MAPK9: variants seen among roughly 807,000 people sequenced by gnomAD.
MAPK9 encodes the protein mitogen-activated protein kinase 9, also known as Jun kinase.
A neutral mutation model predicts 57.1 loss-of-function variants in MAPK9; 30 were observed. The ratio of observed to expected loss-of-function variants is 0.53; its 90% CI spans 0.39 to 0.71. The LOEUF is 0.71. Ranked by LOEUF, MAPK9 falls within the 30% of genes least tolerant of loss-of-function variation. The probability of loss-of-function intolerance (pLI) is 0.00; values close to 1 mark genes in which losing one functional copy is unlikely to be tolerated. For missense variants in MAPK9, 362 were observed against 521.0 expected, an observed-to-expected ratio of 0.69 and a Z score of 2.97; for synonymous variants, 155 against 177.0, an observed-to-expected ratio of 0.88 and a Z score of 0.99.
intron 7 of MAPK9, 114 bp from the exon 8 acceptor site, chr5:180,242,869 C>T: frequency 1.4e-6 from 1 of 721,562 alleles, no homozygotes; most frequent in Non-Finnish European, 2.2e-6. Flanking sequence ...ACTGGATCAG[C>T]AGCGGAATTT....
chr5:180,280,036 C>T (rs555474810), intron 2 of MAPK9: 19 of 457,602 alleles, frequency 4.2e-5, no homozygotes, highest in South Asian at 2.9e-4. Context: ...AATGATGGCG[C>T]CTGGAAATGA....
chr5:180,278,821 C>T (rs1762058753), intron 2 of MAPK9, among the ~76,000 whole-genome samples: 1 of 152,082 alleles, frequency 6.6e-6, no homozygotes, highest in South Asian at 2.1e-4. Flanking sequence ...CGCATGCACA[C>T]ATCAAATTAT....
Position 180,248,339 on chromosome 5 carries a change from C to T in MAPK9, c.616+634G>A, listed in dbSNP as rs539430995. ...CTCAGGGTGGGAACACAAGCTACAA[C>T]GCAGCAAGATGAACCTGTAGCAAAA... On this transcript the variant is annotated intron_variant, in intron 6 of 11. Transcript: ENST00000452135. Among the ~76,000 whole-genome samples, 80 of 152,342 alleles carry T rather than the reference C, an allele frequency of 5.3e-4. 1 individual carries two copies. The highest frequency in any genetic ancestry group is 1.8e-3 in the African/African-American group (75 of 41,574).
At chr5:180,259,365 A>G (rs548395029) in intron 5 of MAPK9, among the ~76,000 whole-genome samples, 1 of 151,826 alleles carries the variant, frequency 6.6e-6, no homozygotes, top group African/African-American at 2.4e-5. Flanking sequence ...CACTGGAGAG[A>G]AACCCTTTGA....
intron 5 of MAPK9, among the ~76,000 whole-genome samples, chr5:180,250,071 C>T (rs1015961109): frequency 1.3e-5 from 2 of 152,176 alleles, no homozygotes; most frequent in Admixed American, 1.3e-4. Flanking sequence ...GTGCTGCTGT[C>T]TCCATCTGTA....
chr5:180,262,267 C>A (rs1051672158), intron 4 of MAPK9, among the ~76,000 whole-genome samples: 2 of 152,022 alleles, frequency 1.3e-5, no homozygotes, highest in Non-Finnish European at 2.9e-5. Context: ...CTAAATTGCT[C>A]TACAATATAT....
chr5:180,245,466 G>T (rs1435868925), intron 7 of MAPK9, among the ~76,000 whole-genome samples: 1 of 152,162 alleles, frequency 6.6e-6, no homozygotes, highest in Non-Finnish European at 1.5e-5. Context: ...ATATCTGCTG[G>T]GTTAATGATA....
chr5:180,258,339 T>A (rs1323544922), intron 5 of MAPK9: 2 of 152,246 alleles, frequency 1.3e-5, no homozygotes. Context: ...AACGATTCAG[T>A]TTTTGTAGTT....
At chr5:180,245,798 G>A (rs971838866) in intron 7 of MAPK9, among the ~76,000 whole-genome samples, 3 of 152,168 alleles carry the variant, frequency 2.0e-5, no homozygotes, top group Non-Finnish European at 2.9e-5. Context: ...ATAGACCACC[G>A]CAGGGACAGG....
At chr5:180,283,890 G>A (rs896298218) in intron 1 of MAPK9, among the ~76,000 whole-genome samples, 5 of 152,114 alleles carry the variant, frequency 3.3e-5, no homozygotes, top group Non-Finnish European at 7.4e-5. Context: ...AGCTGAGATC[G>A]TGCCACTCCA....
intron 1 of MAPK9, among the ~76,000 whole-genome samples, chr5:180,283,160 T>C (rs576231990): frequency 9.9e-5 from 15 of 152,282 alleles, no homozygotes; most frequent in African/African-American, 3.6e-4. Context: ...TTCCTTCCCC[T>C]TCCTGCTAGA....
intron 1 of MAPK9, 101 bp from the exon 2 acceptor site, chr5:180,280,709 G>C (rs771756967): frequency 4.4e-6 from 4 of 907,958 alleles, no homozygotes; most frequent in African/African-American, 3.4e-5. Flanking sequence ...CAATGTGGCT[G>C]TAAGTTGATA....
chr5:180,277,244 C>T (rs1761905414), intron 2 of MAPK9, among the ~76,000 whole-genome samples: 2 of 152,238 alleles, frequency 1.3e-5, no homozygotes, highest in Non-Finnish European at 2.9e-5. Context: ...TACTATCTTA[C>T]AGTTCTGGAG....
chr5:180,287,095 G>A (rs914541526), intron 1 of MAPK9: 1 of 152,210 alleles, frequency 6.6e-6, no homozygotes, highest in Non-Finnish European at 1.5e-5. Context: ...TAGAGATGCA[G>A]ACTAGATTAG....
At chr5:180,274,357 G>A (rs1330133513) in intron 2 of MAPK9, among the ~76,000 whole-genome samples, 1 of 152,208 alleles carries the variant, frequency 6.6e-6, no homozygotes, top group Non-Finnish European at 1.5e-5. Flanking sequence ...ATCCAGGTGG[G>A]CCTATTCTTA....
At chr5:180,267,931 C>T (rs1561825391) in intron 3 of MAPK9, among the ~76,000 whole-genome samples, 1 of 152,140 alleles carries the variant, frequency 6.6e-6, no homozygotes, top group Admixed American at 6.5e-5. Flanking sequence ...GGTGCTATCT[C>T]AGCTCACTGC....
At chr5:180,285,746 A>C (rs1762681201) in intron 1 of MAPK9, among the ~76,000 whole-genome samples, 1 of 149,626 alleles carries the variant, frequency 6.7e-6, no homozygotes, top group African/African-American at 2.5e-5. Context: ...CAACATGGTG[A>C]GGCTTCAACT....
intron 4 of MAPK9, among the ~76,000 whole-genome samples, chr5:180,262,698 A>G (rs914133431): frequency 3.9e-5 from 6 of 152,052 alleles, no homozygotes; most frequent in Non-Finnish European, 7.4e-5. Context: ...GGGCCTTCCA[A>G]AGTGTTGGGA....
intron 5 of MAPK9, among the ~76,000 whole-genome samples, chr5:180,257,176 C>T (rs1017580949): frequency 1.9e-4 from 29 of 152,224 alleles, no homozygotes; most frequent in African/African-American, 5.8e-4. Flanking sequence ...ATCCCTGACG[C>T]TGCCCTTGGG....
Sources: gnomAD v4.1 joint callset for allele counts (sites outside exome capture counted in the v4.1 genomes callset) on GRCh38, gnomAD v4.1.1 for gene constraint, MANE v1.5 for transcripts, NCBI Gene and HGNC (gene_info 2026-07-23, HGNC 2026-07-21) for gene names.